The following ADAM20 variants were observed in gnomAD, a reference collection of about 807,000 sequenced individuals.
ADAM20 encodes disintegrin and metalloproteinase domain-containing protein 20.
For synonymous variants in ADAM20, 305 were observed against 310.2 expected (o/e 0.98, Z 0.18); for missense variants, 871 against 883.2 (o/e 0.99, Z 0.18).
the ADAM20 span, among the ~76,000 whole-genome samples, chr14:70,570,398 AC>A: frequency 6.6e-6 from 1 of 152,152 alleles, no homozygotes; most frequent in South Asian, 2.1e-4. Context: ...CAAGAAAAAA[AC>A]GAACATTCAA....
chr14:70,550,749 C>T, the ADAM20 span, among the ~76,000 whole-genome samples: 2 of 56,466 alleles, frequency 3.5e-5, no homozygotes, highest in Non-Finnish European at 6.1e-5. Context: ...TGGTACCATT[C>T]CTTCTGAAAC....
chr14:70,571,183 AATG>A, the ADAM20 span, among the ~76,000 whole-genome samples: 1 of 152,190 alleles, frequency 6.6e-6, no homozygotes, highest in Non-Finnish European at 1.5e-5. Context: ...TCCCCTTAAG[AATG>A]ATAACAAGAC....
At chr14:70,572,352 G>A in the ADAM20 span, among the ~76,000 whole-genome samples, 1 of 152,084 alleles carries the variant, frequency 6.6e-6, no homozygotes, top group Non-Finnish European at 1.5e-5. Context: ...ATGGTGAAAG[G>A]ACTCCCTATT....
chr14:70,554,272 T>C, the ADAM20 span, among the ~76,000 whole-genome samples: 1 of 152,198 alleles, frequency 6.6e-6, no homozygotes, highest in Non-Finnish European at 1.5e-5. Context: ...TTGTACGCTG[T>C]TGGTGGGAAT....
chr14:70,524,256 A>C lies in ADAM20; in HGVS notation c.502T>G (p.Phe168Val), dbSNP rs760091909. ...GTTAACCCACATCTCATAGGTGGAA[A>C]CTGTGTATCATCACTGTCTATCTTA... is the stretch of plus-strand genomic sequence containing the variant. Reference protein sequence around the residue: ...VYKIDSDDTQFPPMRCGLTEE... With the variant: ...VYKIDSDDTQVPPMRCGLTEE... Residue 168 changes from phenylalanine (F) to valine (V), a missense_variant, in exon 2 of 2, where the codon TTT (phenylalanine) becomes GTT (valine). Coordinates refer to ENST00000256389, the MANE Select transcript of ADAM20 (RefSeq NM_003814.5). 2 of 1,614,030 alleles carry C rather than the reference A, an allele frequency of 1.2e-6. No homozygotes were observed. Among genetic ancestry groups the C allele is most frequent in the Non-Finnish European group, 1.7e-6 (2 of 1,179,940 alleles).
At chr14:70,529,101 A>G (rs755007973) in intron 1 of ADAM20, among the ~76,000 whole-genome samples, 1 of 152,202 alleles carries the variant, frequency 6.6e-6, no homozygotes, top group Non-Finnish European at 1.5e-5. Context: ...ATATTTTGAT[A>G]CCCTATTTTC....
chr14:70,562,202 A>G, the ADAM20 span, among the ~76,000 whole-genome samples: 1 of 152,246 alleles, frequency 6.6e-6, no homozygotes. Flanking sequence ...GTGAGACATC[A>G]TGTCAAAAGA....
chr14:70,554,963 TTAAA>T, the ADAM20 span, among the ~76,000 whole-genome samples: 12 of 152,124 alleles, frequency 7.9e-5, no homozygotes, highest in Non-Finnish European at 1.2e-4. Flanking sequence ...TTTTAGGAGT[TTAAA>T]TACCCGCTAG....
At chr14:70,547,137 T>C in the ADAM20 span, 2 of 152,110 alleles carry the variant, frequency 1.3e-5, no homozygotes, top group Non-Finnish European at 2.9e-5. Flanking sequence ...ACCTACAAGA[T>C]TGAACTATGA....
chr14:70,539,944 T>G (rs1246660776), upstream of ADAM20, among the ~76,000 whole-genome samples: 1 of 152,190 alleles, frequency 6.6e-6, no homozygotes, highest in African/African-American at 2.4e-5. Flanking sequence ...CACTATCTTG[T>G]GTGTGTCTAT....
the ADAM20 span, among the ~76,000 whole-genome samples, chr14:70,569,112 A>G: frequency 2.0e-5 from 3 of 152,186 alleles, no homozygotes; most frequent in African/African-American, 7.2e-5. Flanking sequence ...GAAGAGACTG[A>G]AGCCTATTTT....
At chr14:70,575,503 A>G in the ADAM20 span, among the ~76,000 whole-genome samples, 5 of 152,176 alleles carry the variant, frequency 3.3e-5, no homozygotes, top group African/African-American at 4.8e-5. Context: ...CATACCCACA[A>G]AAGAACACAC....
chr14:70,571,555 T>C, the ADAM20 span, among the ~76,000 whole-genome samples: 1 of 152,318 alleles, frequency 6.6e-6, no homozygotes, highest in Middle Eastern at 3.4e-3. Flanking sequence ...CTCAAGTATG[T>C]CTTTATAAGC....
the ADAM20 span, among the ~76,000 whole-genome samples, chr14:70,545,584 C>T: frequency 6.6e-6 from 1 of 151,718 alleles, no homozygotes; most frequent in Admixed American, 6.6e-5. Flanking sequence ...ATATATCAGA[C>T]AAAATAGATT....
chr14:70,577,404 C>CA, the ADAM20 span, among the ~76,000 whole-genome samples: 2 of 152,020 alleles, frequency 1.3e-5, no homozygotes, highest in Non-Finnish European at 2.9e-5. Context: ...ATGCTCCTCC[C>CA]AAAAAAGTAC....
upstream of ADAM20, among the ~76,000 whole-genome samples, chr14:70,539,520 G>T (rs2139548816): frequency 6.6e-6 from 1 of 152,346 alleles, no homozygotes; most frequent in Non-Finnish European, 1.5e-5. Context: ...CCTCTTTAGG[G>T]TTAAGGCATA....
At chr14:70,570,941 A>G in the ADAM20 span, among the ~76,000 whole-genome samples, 2 of 152,234 alleles carry the variant, frequency 1.3e-5, no homozygotes, top group South Asian at 4.1e-4. Context: ...TCTGGGAAAC[A>G]AGGATCATTC....
chr14:70,566,930 C>A, the ADAM20 span, among the ~76,000 whole-genome samples: 1 of 151,906 alleles, frequency 6.6e-6, no homozygotes, highest in Non-Finnish European at 1.5e-5. Context: ...TGCAGTGAGC[C>A]AAGATCATGC....
At position 70,522,757 on chromosome 14, in the gene ADAM20, G is replaced by A. The variant is rs1252524345; in HGVS notation, c.2001C>T (p.Gly667=). The A allele has an allele frequency of 8.1e-6, 13 of 1,614,032 alleles. No individual in the cohort carries two copies. Among genetic ancestry groups the A allele is most frequent in the Non-Finnish European group, 1.1e-5 (13 of 1,179,940 alleles). Residue 667 remains glycine, a synonymous_variant, in exon 2 of 2, where the codon GGC becomes GGT. Coordinates refer to ENST00000256389, the MANE Select transcript of ADAM20 (RefSeq NM_003814.5). ...GGCCACTATCAGCACTACCTCCATAGCCTTTGTCCTTGCAGTATGGGGGTG... is the reference window on the plus strand; with the variant it reads ...GGCCACTATCAGCACTACCTCCATAACCTTTGTCCTTGCAGTATGGGGGTG... ...EWAPPYCKDK[G]YGGSADSGPP...
Sources: gnomAD v4.1 joint callset for allele counts (sites outside exome capture counted in the v4.1 genomes callset) on GRCh38, gnomAD v4.1.1 for gene constraint, MANE v1.5 for transcripts, NCBI Gene and HGNC (gene_info 2026-07-23, HGNC 2026-07-21) for gene names.